The following CCDC148 variants were observed in gnomAD, a reference collection of about 807,000 sequenced individuals.
The protein encoded by CCDC148 is coiled-coil domain containing 148, also known as coiled-coil domain-containing protein 148.
CCDC148 carries 89 observed loss-of-function variants against 85.7 expected under a neutral mutation model. The observed-to-expected ratio is 1.04, with a 90% confidence interval of 0.87 to 1.24. The LOEUF is 1.24. Ranked by LOEUF, CCDC148 falls within the 50% of genes most tolerant of loss-of-function variation. The pLI, the probability that CCDC148 is intolerant of heterozygous loss-of-function variation, is 0.00. For missense variants in CCDC148, 692 were observed against 671.7 expected, an observed-to-expected ratio of 1.03 and a Z score of -0.33; for synonymous variants, 230 against 213.9, an observed-to-expected ratio of 1.08 and a Z score of -0.66.
chr2:158,253,041 T>C (rs1166349530), intron 9 of CCDC148, among the ~76,000 whole-genome samples: 1 of 151,784 alleles, frequency 6.6e-6, no homozygotes, highest in Non-Finnish European at 1.5e-5. Context: ...TTTATTACTA[T>C]GTATACACAT....
intron 1 of CCDC148, among the ~76,000 whole-genome samples, chr2:158,361,604 C>A (rs10171667): frequency 0.18 from 26,817 of 151,890 alleles, 3,839 homozygotes; most frequent in African/African-American, 0.4. Flanking sequence ...AAATAAAATA[C>A]TTTACAGACA....
intron 9 of CCDC148, chr2:158,288,773 C>A: frequency 2.5e-6 from 1 of 405,854 alleles, no homozygotes. Context: ...CAACACTTCA[C>A]TCTACTGGTA....
At chr2:158,236,987 ATGCCATTTT>A (rs768255960) in intron 10 of CCDC148, among the ~76,000 whole-genome samples, 21 of 152,296 alleles carry the variant, frequency 1.4e-4, no homozygotes, top group Non-Finnish European at 2.5e-4. Flanking sequence ...GAGAAAGAGG[ATGCCATTTT>A]TGTTGGGCCA....
At chr2:158,246,039 A>G (rs1489377390) in intron 10 of CCDC148, among the ~76,000 whole-genome samples, 1 of 152,230 alleles carries the variant, frequency 6.6e-6, no homozygotes, top group East Asian at 1.9e-4. Flanking sequence ...AAACCAAAAT[A>G]TTATTCCAGT....
At chr2:158,215,762 T>C (rs1686817161) in intron 11 of CCDC148, among the ~76,000 whole-genome samples, 1 of 152,164 alleles carries the variant, frequency 6.6e-6, no homozygotes, top group African/African-American at 2.4e-5. Context: ...TGCTATAGAC[T>C]GAATGTGTCT....
At chr2:158,322,369 AAGC>A (rs905982774) in intron 7 of CCDC148, among the ~76,000 whole-genome samples, 24 of 152,126 alleles carry the variant, frequency 1.6e-4, no homozygotes, top group African/African-American at 5.8e-4. Context: ...TAAATCATAG[AAGC>A]AGCTCAGTAA....
At position 158,340,652 on chromosome 2, in the gene CCDC148, G is replaced by A. The variant is rs1361054868; in HGVS notation, c.280C>T (p.Leu94Phe). ...TTTCCAATGTTCTCTTCATTGAGAA[G>A]GGATTTTATTTCAGATTCCATTTTA... is the stretch of plus-strand genomic sequence containing the variant. Reference protein sequence around the residue: ...RCKMESEIKSLLNEENIGNEC... With the variant: ...RCKMESEIKSFLNEENIGNEC... Residue 94 changes from leucine (L) to phenylalanine (F), a missense_variant, in exon 4 of 14, where the codon CTT (leucine) becomes TTT (phenylalanine). By Grantham distance (22) the Leu-to-Phe change is conservative (BLOSUM62 0). Coordinates refer to ENST00000283233, the MANE Select transcript of CCDC148 (RefSeq NM_138803.4). 1.3e-6 allele frequency: 2 copies of A among 1,584,708 alleles called. No individual in the cohort carries two copies. The highest frequency in any genetic ancestry group is 1.7e-6 in the Non-Finnish European group (2 of 1,161,282).
At chr2:158,262,736 T>A (rs1689285385) in intron 9 of CCDC148, among the ~76,000 whole-genome samples, 1 of 151,914 alleles carries the variant, frequency 6.6e-6, no homozygotes. Context: ...CTCACTATCA[T>A]GAGAACAGCA....
intron 3 of CCDC148, among the ~76,000 whole-genome samples, chr2:158,343,372 A>G (rs1358565297): frequency 6.6e-6 from 1 of 152,226 alleles, no homozygotes; most frequent in Non-Finnish European, 1.5e-5. Context: ...AACTTTCATC[A>G]TCTGAGACTC....
At chr2:158,267,386 T>C (rs1367928016) in intron 9 of CCDC148, among the ~76,000 whole-genome samples, 1 of 152,160 alleles carries the variant, frequency 6.6e-6, no homozygotes, top group African/African-American at 2.4e-5. Context: ...GACAAGGCAA[T>C]CATTTCACTC....
At chr2:158,204,670 C>T (rs1206262209) in intron 11 of CCDC148, among the ~76,000 whole-genome samples, 3 of 152,090 alleles carry the variant, frequency 2.0e-5, no homozygotes, top group Non-Finnish European at 2.9e-5. Flanking sequence ...GCTCAAACTC[C>T]AGAAATTATG....
intron 10 of CCDC148, among the ~76,000 whole-genome samples, chr2:158,237,055 G>C (rs1440922755): frequency 1.3e-5 from 2 of 152,160 alleles, no homozygotes; most frequent in African/African-American, 4.8e-5. Context: ...CCTGAATGCT[G>C]TGCAGGAGTG....
intron 1 of CCDC148, among the ~76,000 whole-genome samples, chr2:158,387,814 C>T (rs1251685024): frequency 6.6e-6 from 1 of 152,146 alleles, no homozygotes; most frequent in Non-Finnish European, 1.5e-5. Context: ...TGCTTGTGCT[C>T]TGACACCCAT....
At chr2:158,334,859 A>G (rs966078760) in intron 7 of CCDC148, among the ~76,000 whole-genome samples, 6 of 152,102 alleles carry the variant, frequency 3.9e-5, no homozygotes, top group Non-Finnish European at 8.8e-5. Context: ...ACCATTAGTT[A>G]ATCTTCATTT....
At chr2:158,357,289 AC>A (rs1009291876) in intron 2 of CCDC148, among the ~76,000 whole-genome samples, 3 of 151,970 alleles carry the variant, frequency 2.0e-5, no homozygotes, top group Non-Finnish European at 2.9e-5. Flanking sequence ...TTAAAAAAAA[AC>A]AAAAAAAAAG....
At chr2:158,274,314 A>T (rs1689827785) in intron 9 of CCDC148, among the ~76,000 whole-genome samples, 1 of 152,152 alleles carries the variant, frequency 6.6e-6, no homozygotes, top group Non-Finnish European at 1.5e-5. Context: ...GATGTTATAG[A>T]CTATGTCCCT....
At chr2:158,288,062 C>A (rs116207590) in intron 9 of CCDC148, among the ~76,000 whole-genome samples, 1 of 152,192 alleles carries the variant, frequency 6.6e-6, no homozygotes, top group East Asian at 1.9e-4. Flanking sequence ...CCCTCTGTAG[C>A]CACAGCCTGA....
intron 9 of CCDC148, 71 bp downstream of exon 9, chr2:158,309,362 G>C: frequency 7.6e-7 from 1 of 1,312,710 alleles, no homozygotes; most frequent in Non-Finnish European, 1.1e-6. Context: ...TTTAGGTTGA[G>C]TTTGAACAAA....
intron 9 of CCDC148, among the ~76,000 whole-genome samples, chr2:158,290,141 T>C (rs571682759): frequency 2.0e-5 from 3 of 152,048 alleles, no homozygotes; most frequent in African/African-American, 7.2e-5. Context: ...CAGGTTGAGG[T>C]GAGGCACACA....
Sources: gnomAD v4.1 joint callset for allele counts (sites outside exome capture counted in the v4.1 genomes callset) on GRCh38, gnomAD v4.1.1 for gene constraint, MANE v1.5 for transcripts, NCBI Gene and HGNC (gene_info 2026-07-23, HGNC 2026-07-21) for gene names.